PARD3B: variants seen among roughly 807,000 people sequenced by gnomAD.
PARD3B encodes partitioning defective 3 homolog B.
A neutral mutation model predicts 130.2 loss-of-function variants in PARD3B; 103 were observed. The ratio of observed to expected loss-of-function variants is 0.79; its 90% CI spans 0.67 to 0.93. The LOEUF (loss-of-function observed/expected upper bound fraction) is 0.93. PARD3B is among the 40% of genes least tolerant of loss of function. The pLI, the probability that PARD3B is intolerant of heterozygous loss-of-function variation, is 0.00. For synonymous variants in PARD3B, 583 were observed against 553.2 expected (o/e 1.05, Z -0.76); for missense variants, 1,609 against 1,499.2 (o/e 1.07, Z -1.21).
At chr2:205,055,100 C>T (rs901860139) in intron 4 of PARD3B, among the ~76,000 whole-genome samples, 1 of 152,118 alleles carries the variant, frequency 6.6e-6, no homozygotes. Flanking sequence ...CAGTGCCTGG[C>T]ACTTAAGACG....
In PARD3B at chr2:205,287,943, C is replaced by T. The variant is rs1004875954; in HGVS notation, c.2186-12587C>T. On this transcript the variant is annotated intron_variant, in intron 16 of 22. Coordinates refer to ENST00000406610, the MANE Select transcript of PARD3B (RefSeq NM_001302769.2). This position sits in a 1 kb window ranked among gnomAD's most constrained non-coding sequence, Gnocchi z 4.8. ...CCTTGTTTCCCGCTGGCAAAGATTC[C>T]TCAGGCTGAGTTACTGGGAAACTCC... Among the ~76,000 whole-genome samples the T allele has an allele frequency of 1.3e-5, 2 of 152,112 alleles. No individual in the cohort carries two copies. The highest frequency in any genetic ancestry group is 4.8e-5 in the African/African-American group (2 of 41,410).
rs1199799336 is a variant in PARD3B at position 205,265,644 on chromosome 2, G to A, written c.2185+19822G>A. On this transcript the variant is annotated intron_variant, in intron 16 of 22. Transcript: ENST00000406610. This position sits in a 1 kb window ranked among gnomAD's most constrained non-coding sequence, Gnocchi z 4.3. ...TTTTCATTGTTTTATTCACAAAAAG[G>A]AAAAACAATATTTTATAGGAAAACA... is the stretch of plus-strand genomic sequence containing the variant. Among the ~76,000 whole-genome samples the A allele has an allele frequency of 1.3e-5, 2 of 151,750 alleles. No homozygotes were observed. The highest frequency in any genetic ancestry group is 2.9e-5 in the Non-Finnish European group (2 of 67,870).
chr2:204,966,204 A>G (rs1476701349), intron 3 of PARD3B, among the ~76,000 whole-genome samples: 2 of 152,252 alleles, frequency 1.3e-5, no homozygotes, highest in Non-Finnish European at 2.9e-5. Flanking sequence ...AATAAAATAT[A>G]TACTGTAAAG....
intron 3 of PARD3B, among the ~76,000 whole-genome samples, chr2:204,995,466 G>A (rs1694089343): frequency 6.7e-6 from 1 of 149,820 alleles, no homozygotes; most frequent in African/African-American, 2.5e-5. Context: ...AGTCTGATGG[G>A]CTTCCCTTTG....
intron 18 of PARD3B, among the ~76,000 whole-genome samples, chr2:205,343,045 A>G (rs1288799200): frequency 6.6e-6 from 1 of 152,152 alleles, no homozygotes; most frequent in African/African-American, 2.4e-5. Flanking sequence ...CCCAAAATTC[A>G]TTTCTATCAG....
intron 18 of PARD3B, among the ~76,000 whole-genome samples, chr2:205,370,868 A>G (rs952836991): frequency 5.3e-5 from 8 of 152,170 alleles, no homozygotes; most frequent in South Asian, 2.1e-4. Context: ...ACAGCTGTCA[A>G]CTGTCTGTGT....
chr2:205,380,175 A>AAAGAATATATATTATATC, intron 18 of PARD3B, among the ~76,000 whole-genome samples: 1 of 36,742 alleles, frequency 2.7e-5, no homozygotes, highest in Non-Finnish European at 8.0e-5. Flanking sequence ...TATATTATAT[A>AAAGAATATATATTATATC]ATATGTAAAG....
intron 22 of PARD3B, among the ~76,000 whole-genome samples, chr2:205,588,410 T>A (rs1320881839): frequency 6.6e-6 from 1 of 152,214 alleles, no homozygotes; most frequent in East Asian, 1.9e-4. Context: ...TTGTTATTCA[T>A]CCAGACCTGA....
intron 10 of PARD3B, among the ~76,000 whole-genome samples, chr2:205,151,247 G>A (rs2033735168): frequency 6.6e-6 from 1 of 152,158 alleles, no homozygotes; most frequent in African/African-American, 2.4e-5. Flanking sequence ...TGTTGATTTG[G>A]GGTGGAGAGT....
intron 18 of PARD3B, among the ~76,000 whole-genome samples, chr2:205,390,842 T>C (rs1221497265): frequency 6.6e-6 from 1 of 152,264 alleles, no homozygotes. Flanking sequence ...TGTTACTTTA[T>C]GCTATGGAAA....
rs530725877 is a variant in PARD3B at position 205,253,946 on chromosome 2, A to G, written c.2185+8124A>G. 5.8e-4 allele frequency among the ~76,000 whole-genome samples: 88 copies of G among 152,220 alleles called. No homozygotes were observed. Among genetic ancestry groups the G allele is most frequent in the Middle Eastern group, 6.8e-3 (2 of 294 alleles). On this transcript the variant is annotated intron_variant, in intron 16 of 22. Coordinates refer to ENST00000406610, the MANE Select transcript of PARD3B (RefSeq NM_001302769.2). This position sits in a 1 kb window ranked among gnomAD's most constrained non-coding sequence, Gnocchi z 4.4. ...TGGTTTGAAAGAAGAGGTTGGGTTG[A>G]AAATGAACAGTATTTTGTCAACCAT...
chr2:204,791,745 AG>A (rs2125477229), intron 2 of PARD3B, among the ~76,000 whole-genome samples: 1 of 152,340 alleles, frequency 6.6e-6, no homozygotes, highest in South Asian at 2.1e-4. Flanking sequence ...AGATTTTGCA[AG>A]GGCCAGAGCC....
At chr2:204,760,966 T>C (rs1559123258) in intron 2 of PARD3B, among the ~76,000 whole-genome samples, 1 of 152,224 alleles carries the variant, frequency 6.6e-6, no homozygotes, top group Non-Finnish European at 1.5e-5. Flanking sequence ...TTGTTGACTA[T>C]TTTCTATATG....
intron 20 of PARD3B, among the ~76,000 whole-genome samples, chr2:205,485,485 A>G (rs1043352876): frequency 6.6e-6 from 1 of 152,214 alleles, no homozygotes; most frequent in Non-Finnish European, 1.5e-5. Flanking sequence ...CACACAAGAA[A>G]TCATCAAATC....
chr2:205,389,104 A>G (rs1280774933), intron 18 of PARD3B, among the ~76,000 whole-genome samples: 1 of 152,232 alleles, frequency 6.6e-6, no homozygotes, highest in East Asian at 1.9e-4. Context: ...TGTCTTATGT[A>G]GAATTTCATT....
At chr2:204,798,106 A>G (rs1013245963) in intron 2 of PARD3B, among the ~76,000 whole-genome samples, 8 of 152,128 alleles carry the variant, frequency 5.3e-5, no homozygotes, top group Non-Finnish European at 4.4e-5. Flanking sequence ...CAATCCCACT[A>G]TTTGGTTTTA....
chr2:205,597,747 C>A (rs1017169992), intron 22 of PARD3B, among the ~76,000 whole-genome samples: 5 of 152,128 alleles, frequency 3.3e-5, no homozygotes, highest in Non-Finnish European at 7.4e-5. Context: ...AGGTCACTTG[C>A]CTTGAAGGGA....
At chr2:205,566,673 G>A (rs1289044555) in intron 22 of PARD3B, among the ~76,000 whole-genome samples, 7 of 152,184 alleles carry the variant, frequency 4.6e-5, no homozygotes, top group South Asian at 2.1e-4. Flanking sequence ...GATGGGAATT[G>A]CAATGGCTGA....
chr2:204,899,184 T>TCTCCCTTCC (rs200088765), intron 2 of PARD3B, among the ~76,000 whole-genome samples: 2,687 of 140,790 alleles, frequency 0.019, 77 homozygotes, highest in African/African-American at 0.023. Flanking sequence ...GGTCTTCTCT[T>TCTCCCTTCC]CTCCCTTCCC....
Sources: gnomAD v4.1 joint callset for allele counts (sites outside exome capture counted in the v4.1 genomes callset) on GRCh38, gnomAD v4.1.1 for gene constraint, Gnocchi (gnomAD v3.1) non-coding constraint, MANE v1.5 for transcripts, NCBI Gene and HGNC (gene_info 2026-07-23, HGNC 2026-07-21) for gene names.